RAB27B: variants seen among roughly 807,000 people sequenced by gnomAD.
RAB27B encodes ras-related protein Rab-27B.
In RAB27B, 15 loss-of-function variants were observed where a neutral mutation model predicts 24.6. That is an observed-to-expected ratio of 0.61 (90% CI 0.41 to 0.94). The LOEUF is 0.94. Ranked by LOEUF, RAB27B falls within the 40% of genes least tolerant of loss-of-function variation. The pLI is 0.00. For synonymous variants in RAB27B, 105 were observed against 92.5 expected (o/e 1.14, Z -0.78); for missense variants, 261 against 266.8 (o/e 0.98, Z 0.15).
intron 2 of RAB27B, among the ~76,000 whole-genome samples, chr18:54,770,617 C>G (rs1490856402): frequency 6.6e-6 from 1 of 151,986 alleles, no homozygotes; most frequent in East Asian, 1.9e-4. Flanking sequence ...CATCCCAAAA[C>G]CACCCCCCAA....
intron 1 of RAB27B, among the ~76,000 whole-genome samples, chr18:54,829,557 A>C (rs1910595571): frequency 6.6e-6 from 1 of 152,240 alleles, no homozygotes; most frequent in Admixed American, 6.5e-5. Context: ...ATTATTGTTT[A>C]ATATAATACA....
At chr18:54,781,220 T>G (rs1908906912) in intron 2 of RAB27B, among the ~76,000 whole-genome samples, 1 of 152,106 alleles carries the variant, frequency 6.6e-6, no homozygotes, top group Non-Finnish European at 1.5e-5. Flanking sequence ...AATGCAGTCT[T>G]TGTCTCTAAC....
chr18:54,744,828 C>T (rs1910185044), intron 2 of RAB27B: 1 of 203,118 alleles, frequency 4.9e-6, no homozygotes, highest in South Asian at 9.9e-5. Context: ...ACTTGGGTGG[C>T]ACCAAGATTG....
intron 2 of RAB27B, among the ~76,000 whole-genome samples, chr18:54,768,301 G>T (rs1159531873): frequency 6.6e-6 from 1 of 152,128 alleles, no homozygotes; most frequent in African/African-American, 2.4e-5. Flanking sequence ...GCGATATGTG[G>T]CTTGTGGCTG....
chr18:54,883,933 T>A (rs1913026104), intron 3 of RAB27B, among the ~76,000 whole-genome samples: 1 of 152,172 alleles, frequency 6.6e-6, no homozygotes. Context: ...GGCTACTGTG[T>A]GCCAAGCTTT....
chr18:54,824,263 A>G (rs1028968315), upstream of RAB27B, among the ~76,000 whole-genome samples: 9 of 152,156 alleles, frequency 5.9e-5, no homozygotes, highest in South Asian at 6.2e-4. Context: ...TTTGTTTCTC[A>G]TGGAGTTAAT....
At chr18:54,834,681 A>G (rs72924729) in intron 1 of RAB27B, among the ~76,000 whole-genome samples, 10 of 150,142 alleles carry the variant, frequency 6.7e-5, no homozygotes, top group Middle Eastern at 3.4e-3. Context: ...GTGTATATAT[A>G]TGTGTGTGTG....
intron 1 of RAB27B, among the ~76,000 whole-genome samples, chr18:54,841,156 G>GC (rs1555662083): frequency 5.3e-5 from 6 of 114,242 alleles, no homozygotes; most frequent in Admixed American, 2.7e-4. Context: ...TTGGGTGGCG[G>GC]GGCGGTGGGG....
intron 2 of RAB27B, among the ~76,000 whole-genome samples, chr18:54,741,894 C>A (rs540650758): frequency 6.6e-6 from 1 of 152,244 alleles, no homozygotes; most frequent in African/African-American, 2.4e-5. Context: ...AAGTCAAGGC[C>A]TCTATAATAT....
intron 2 of RAB27B, among the ~76,000 whole-genome samples, chr18:54,728,903 C>CAAAAAAAACAAAA (rs1909635316): frequency 2.9e-5 from 2 of 68,252 alleles, no homozygotes; most frequent in Non-Finnish European, 5.0e-5. Flanking sequence ...AAAAAAAACC[C>CAAAAAAAACAAAA]AAAAAAAAAA....
chr18:54,760,782 G>A (rs1326918293), intron 2 of RAB27B, among the ~76,000 whole-genome samples: 2 of 152,164 alleles, frequency 1.3e-5, no homozygotes, highest in Non-Finnish European at 2.9e-5. Flanking sequence ...AGGCAACAAT[G>A]AGGATGCCAT....
chr18:54,724,913 A>G (rs1909481891), intron 2 of RAB27B, among the ~76,000 whole-genome samples: 1 of 151,600 alleles, frequency 6.6e-6, no homozygotes, highest in South Asian at 2.1e-4. Flanking sequence ...CTTGATTCTT[A>G]CTTATGATCT....
Position 54,878,432 on chromosome 18 carries a change from T to C in RAB27B, c.153+694T>C, listed in dbSNP as rs568886881. ...TTGCCAAGATGGCTGTGGCTTCCAGTTGATGTCACAAATCTACTCATTCCC... is the reference window on the plus strand; with the variant it reads ...TTGCCAAGATGGCTGTGGCTTCCAGCTGATGTCACAAATCTACTCATTCCC... On this transcript the variant is annotated intron_variant, in intron 2 of 5. Transcript: ENST00000262094. 9.8e-5 allele frequency among the ~76,000 whole-genome samples: 15 copies of C among 152,306 alleles called. No homozygotes were observed. In the East Asian group the frequency reaches 1.5e-3, roughly 16 times the overall value.
chr18:54,728,624 C>T (rs1598861497), intron 2 of RAB27B, among the ~76,000 whole-genome samples: 1 of 151,944 alleles, frequency 6.6e-6, no homozygotes, highest in East Asian at 1.9e-4. Context: ...CCTGTAATCC[C>T]AGCACTTTGG....
intron 1 of RAB27B, among the ~76,000 whole-genome samples, chr18:54,870,036 T>C (rs777078998): frequency 3.3e-5 from 5 of 152,116 alleles, no homozygotes; most frequent in Non-Finnish European, 7.4e-5. Flanking sequence ...TTTTCTAACA[T>C]TTAAAAATCA....
intron 1 of RAB27B, among the ~76,000 whole-genome samples, chr18:54,842,705 CATTCTT>C (rs1352607717): frequency 1.3e-5 from 2 of 152,192 alleles, no homozygotes; most frequent in African/African-American, 4.8e-5. Flanking sequence ...TATTTAAAAA[CATTCTT>C]AGTCTGCAGG....
chr18:54,785,436 G>GTTT (rs59750951), intron 2 of RAB27B, among the ~76,000 whole-genome samples: 73 of 101,664 alleles, frequency 7.2e-4, no homozygotes, highest in East Asian at 1.2e-3. Flanking sequence ...CCTTCCTCAG[G>GTTT]TTTTTTTTTT....
intron 2 of RAB27B, among the ~76,000 whole-genome samples, chr18:54,725,845 G>C (rs1160203558): frequency 2.0e-5 from 3 of 151,650 alleles, no homozygotes; most frequent in African/African-American, 7.2e-5. Context: ...TGGGGACACA[G>C]CAAAATCATG....
rs866244573 is a variant in RAB27B, at chr18:54,894,075, G to C, written c.*4662G>C. On this transcript the variant is annotated 3_prime_UTR_variant, in exon 6 of 6. Coordinates refer to ENST00000262094, the MANE Select transcript of RAB27B (RefSeq NM_004163.4). ...TAATTTTTCCATAAATTAGATTTAT[G>C]ATATTTTCATAAAGCACTTGATTAG... The C allele has an allele frequency of 1.3e-5, 2 of 151,796 alleles. No homozygotes were observed. Among genetic ancestry groups the C allele is most frequent in the Non-Finnish European group, 2.9e-5 (2 of 67,888 alleles). 9.4% of individuals were successfully genotyped at this position (151,796 alleles called of 1,614,324 possible).
Sources: allele counts gnomAD v4.1 joint callset (sites outside exome capture counted in the v4.1 genomes callset), GRCh38; gene constraint gnomAD v4.1.1; transcripts MANE v1.5; gene names NCBI Gene and HGNC (gene_info 2026-07-23, HGNC 2026-07-21).